The following CCDC178 variants were observed in gnomAD, a reference collection of about 807,000 sequenced individuals.
CCDC178 encodes the protein coiled-coil domain containing 178.
In CCDC178, 126 loss-of-function variants were observed where a neutral mutation model predicts 117.4. That is an observed-to-expected ratio of 1.07 (90% CI 0.93 to 1.24). CCDC178 has a LOEUF of 1.24. Ranked by LOEUF, CCDC178 falls within the 50% of genes most tolerant of loss-of-function variation. CCDC178 has a pLI of 0.00. For missense variants in CCDC178, 1,030 were observed against 986.9 expected (o/e 1.04, Z -0.59); for synonymous variants, 283 against 313.4 (o/e 0.90, Z 1.02).
At chr18:32,981,128 G>C (rs967426571) in intron 21 of CCDC178, among the ~76,000 whole-genome samples, 1 of 151,994 alleles carries the variant, frequency 6.6e-6, no homozygotes, top group African/African-American at 2.4e-5. Flanking sequence ...AGGATTGCTC[G>C]AGCTCAAGAA....
Position 32,968,553 on chromosome 18 carries a change from A to C in CCDC178, c.2523+5994T>G, listed in dbSNP as rs569055203. Among the ~76,000 whole-genome samples, 30 of 152,074 alleles carry C rather than the reference A, an allele frequency of 2.0e-4. No individual in the cohort carries two copies. The South Asian group carries it at 6.0e-3, about 30-fold the overall frequency. ...GATTGCCAGATCATGTGGTAGTTAT[A>C]GTTTTATTTTTTGAGGAATCTCCAT... On this transcript the variant is annotated intron_variant, in intron 22 of 22. Transcript: ENST00000383096.
intron 10 of CCDC178, among the ~76,000 whole-genome samples, chr18:33,331,316 T>C (rs868442184): frequency 3.3e-5 from 5 of 151,986 alleles, no homozygotes; most frequent in South Asian, 4.2e-4. Context: ...TTAAACAAGG[T>C]TGCAGTTAAC....
chr18:33,399,037 T>C (rs1223189547), intron 3 of CCDC178, among the ~76,000 whole-genome samples: 2 of 152,026 alleles, frequency 1.3e-5, no homozygotes, highest in East Asian at 3.9e-4. Context: ...CTGTCTTTAC[T>C]AAAAATACAA....
At chr18:33,316,977 C>T (rs1202287571) in intron 11 of CCDC178, among the ~76,000 whole-genome samples, 6 of 152,106 alleles carry the variant, frequency 3.9e-5, no homozygotes, top group Non-Finnish European at 8.8e-5. Flanking sequence ...CCTGTCAAAA[C>T]GGACCAATCA....
chr18:33,155,938 C>T (rs1004312169), intron 20 of CCDC178, among the ~76,000 whole-genome samples: 4 of 151,588 alleles, frequency 2.6e-5, no homozygotes, highest in African/African-American at 9.7e-5. Flanking sequence ...TCAGGGGCTA[C>T]CCCTACTGAA....
intron 21 of CCDC178, among the ~76,000 whole-genome samples, chr18:32,976,321 T>A (rs1359751759): frequency 6.6e-6 from 1 of 152,118 alleles, no homozygotes; most frequent in Non-Finnish European, 1.5e-5. Flanking sequence ...AAAGTTTAGT[T>A]CATTGTGTAT....
chr18:33,093,909 T>C (rs2145078574), intron 20 of CCDC178, among the ~76,000 whole-genome samples: 1 of 152,174 alleles, frequency 6.6e-6, no homozygotes, highest in South Asian at 2.1e-4. Context: ...ATTCAATAAC[T>C]AGATACAGAA....
intron 11 of CCDC178, among the ~76,000 whole-genome samples, chr18:33,309,453 C>T (rs1251934099): frequency 6.6e-6 from 1 of 151,984 alleles, no homozygotes; most frequent in African/African-American, 2.4e-5. Flanking sequence ...AGGATACATG[C>T]TTGTAGAAAA....
At chr18:33,296,934 G>A (rs2062112953) in intron 11 of CCDC178, among the ~76,000 whole-genome samples, 2 of 152,126 alleles carry the variant, frequency 1.3e-5, no homozygotes, top group South Asian at 4.1e-4. Flanking sequence ...TGAAACCAGA[G>A]AATTGCTTGA....
intron 20 of CCDC178, among the ~76,000 whole-genome samples, chr18:33,147,307 G>A (rs2058279977): frequency 6.7e-6 from 1 of 150,244 alleles, no homozygotes. Context: ...TCCTCGGGTG[G>A]CAGAGGGGCA....
chr18:33,434,346 C>G (rs932878110), intron 2 of CCDC178, among the ~76,000 whole-genome samples: 2 of 152,120 alleles, frequency 1.3e-5, no homozygotes, highest in African/African-American at 2.4e-5. Context: ...CAGTTTCTTA[C>G]AGCAGTTTTC....
At chr18:33,155,685 TTGA>T (rs1377578570) in intron 20 of CCDC178, among the ~76,000 whole-genome samples, 1 of 152,206 alleles carries the variant, frequency 6.6e-6, no homozygotes, top group Non-Finnish European at 1.5e-5. Context: ...TCGGACCTAC[TTGA>T]TGGTTGACTT....
intron 12 of CCDC178, among the ~76,000 whole-genome samples, chr18:33,283,916 A>G (rs879965751): frequency 6.6e-6 from 1 of 152,232 alleles, no homozygotes; most frequent in African/African-American, 2.4e-5. Flanking sequence ...TACATACCCA[A>G]AGGACTATAA....
intron 20 of CCDC178, among the ~76,000 whole-genome samples, chr18:33,129,910 T>C (rs1262859992): frequency 6.6e-6 from 1 of 151,992 alleles, no homozygotes; most frequent in Non-Finnish European, 1.5e-5. Context: ...GAAAACTTAC[T>C]GTTTTATATA....
chr18:33,103,789 T>C (rs1281119587), intron 20 of CCDC178, among the ~76,000 whole-genome samples: 1 of 151,716 alleles, frequency 6.6e-6, no homozygotes, highest in Non-Finnish European at 1.5e-5. Flanking sequence ...CTCCTGAAAC[T>C]TCTGTTGGGG....
intron 2 of CCDC178, among the ~76,000 whole-genome samples, chr18:33,438,957 T>C (rs949027415): frequency 2.6e-5 from 4 of 152,184 alleles, no homozygotes; most frequent in Admixed American, 6.5e-5. Context: ...AGAGGGCTCC[T>C]GTTTTGTGTG....
chr18:33,361,436 A>AT (rs1301317783), intron 6 of CCDC178, among the ~76,000 whole-genome samples: 1 of 151,678 alleles, frequency 6.6e-6, no homozygotes, highest in Non-Finnish European at 1.5e-5. Flanking sequence ...CTTGACAACA[A>AT]CTTTTGGGAA....
chr18:33,426,713 A>C (rs1005686311), intron 2 of CCDC178, among the ~76,000 whole-genome samples: 1 of 152,172 alleles, frequency 6.6e-6, no homozygotes, highest in African/African-American at 2.4e-5. Context: ...ATCATATTGC[A>C]CTTACAGTCT....
intron 20 of CCDC178, among the ~76,000 whole-genome samples, chr18:33,176,894 T>C (rs2144453925): frequency 6.6e-6 from 1 of 152,324 alleles, no homozygotes; most frequent in Non-Finnish European, 1.5e-5. Context: ...GTTTCCTCAA[T>C]GCTTCGTCTA....
Sources: allele counts gnomAD v4.1 joint callset (sites outside exome capture counted in the v4.1 genomes callset), GRCh38; gene constraint gnomAD v4.1.1; transcripts MANE v1.5; gene names NCBI Gene and HGNC (gene_info 2026-07-23, HGNC 2026-07-21).